CSMD1: variants seen among roughly 807,000 people sequenced by gnomAD.
The protein encoded by CSMD1 is CUB and sushi domain-containing protein 1.
A neutral mutation model predicts 417.5 loss-of-function variants in CSMD1; 213 were observed. The ratio of observed to expected loss-of-function variants is 0.51; its 90% confidence interval spans 0.46 to 0.57. The LOEUF (loss-of-function observed/expected upper bound fraction) is 0.57. Ranked by LOEUF, CSMD1 falls within the 20% of genes least tolerant of loss-of-function variation. The pLI, the probability that CSMD1 is intolerant of heterozygous loss-of-function variation, is 0.00. For missense variants in CSMD1, 6,923 were observed against 4,529.7 expected (o/e 1.53, Z -15.17); for synonymous variants, 2,862 against 1,736.8 (o/e 1.65, Z -16.11).
At chr8:3,553,424 C>T (rs1447935232) in intron 10 of CSMD1, among the ~76,000 whole-genome samples, 1 of 152,148 alleles carries the variant, frequency 6.6e-6, no homozygotes, top group Non-Finnish European at 1.5e-5. Flanking sequence ...ATGATCTCAT[C>T]CTATGTCTAT....
chr8:3,961,685 T>A (rs1812334796), intron 5 of CSMD1, among the ~76,000 whole-genome samples: 1 of 152,100 alleles, frequency 6.6e-6, no homozygotes, highest in Non-Finnish European at 1.5e-5. Flanking sequence ...AAAGCAAACT[T>A]CAAAAAAGAA....
intron 4 of CSMD1, among the ~76,000 whole-genome samples, chr8:4,005,974 A>C (rs1816078935): frequency 6.6e-6 from 1 of 152,188 alleles, no homozygotes; most frequent in Non-Finnish European, 1.5e-5. Flanking sequence ...TACGAAAACT[A>C]ATTCTCTACT....
At chr8:4,738,463 G>C (rs748274986) in intron 1 of CSMD1, among the ~76,000 whole-genome samples, 26 of 152,060 alleles carry the variant, frequency 1.7e-4, no homozygotes, top group Non-Finnish European at 2.6e-4. Flanking sequence ...GATCTCATGA[G>C]AACAAACTTG....
chr8:3,100,823 G>C (rs1019698819), intron 46 of CSMD1, among the ~76,000 whole-genome samples: 1 of 152,144 alleles, frequency 6.6e-6, no homozygotes, highest in African/African-American at 2.4e-5. Flanking sequence ...GAGTAACTAA[G>C]ATTATTCTTA....
intron 7 of CSMD1, among the ~76,000 whole-genome samples, chr8:3,694,533 G>A (rs998721535): frequency 1.3e-5 from 2 of 151,996 alleles, no homozygotes; most frequent in African/African-American, 4.8e-5. Context: ...AGGAGGCCGG[G>A]TGAGATCCCC....
chr8:3,955,569 C>T (rs1365159784), intron 5 of CSMD1, among the ~76,000 whole-genome samples: 1 of 152,096 alleles, frequency 6.6e-6, no homozygotes, highest in Non-Finnish European at 1.5e-5. Flanking sequence ...TTTACATATT[C>T]CATAGGAGAT....
At chr8:4,259,851 C>G (rs1417177494) in intron 3 of CSMD1, among the ~76,000 whole-genome samples, 1 of 152,132 alleles carries the variant, frequency 6.6e-6, no homozygotes, top group African/African-American at 2.4e-5. Context: ...GGAATTCATC[C>G]ACCTTAAAAT....
At chr8:4,985,004 G>A (rs528506478) in intron 1 of CSMD1, among the ~76,000 whole-genome samples, 1 of 152,270 alleles carries the variant, frequency 6.6e-6, no homozygotes, top group South Asian at 2.1e-4. Context: ...TTAAAAATGT[G>A]ATGTAGCCAT....
At chr8:3,715,156 CATTTA>C (rs1363529674) in intron 6 of CSMD1, among the ~76,000 whole-genome samples, 1 of 152,142 alleles carries the variant, frequency 6.6e-6, no homozygotes. Context: ...TTTAAACACA[CATTTA>C]ATTATTTTTT....
chr8:4,403,349 T>G (rs559209838), intron 3 of CSMD1, among the ~76,000 whole-genome samples: 1 of 152,160 alleles, frequency 6.6e-6, no homozygotes, highest in African/African-American at 2.4e-5. Flanking sequence ...ACAAAACTCC[T>G]TATAAGGAAG....
chr8:4,588,387 CTATCTCATAAAGACAGAG>C (rs1799811324), intron 2 of CSMD1, among the ~76,000 whole-genome samples: 1 of 61,828 alleles, frequency 1.6e-5, no homozygotes, highest in African/African-American at 5.5e-5. Context: ...AGATAAAGAA[CTATCTCATAAAGACAGAG>C]ATAAAGAACT....
intron 54 of CSMD1, among the ~76,000 whole-genome samples, chr8:2,990,371 A>G (rs1442830007): frequency 6.6e-6 from 1 of 152,208 alleles, no homozygotes; most frequent in African/African-American, 2.4e-5. Context: ...TTTCATGTAT[A>G]GCAAAGCCTC....
intron 1 of CSMD1, among the ~76,000 whole-genome samples, chr8:4,923,897 A>C (rs1261059384): frequency 6.6e-6 from 1 of 152,238 alleles, no homozygotes; most frequent in Non-Finnish European, 1.5e-5. Flanking sequence ...TTATCTGTAT[A>C]GGTTTCTTTG....
At chr8:4,421,381 C>G (rs949512611) in intron 2 of CSMD1, among the ~76,000 whole-genome samples, 5 of 152,122 alleles carry the variant, frequency 3.3e-5, no homozygotes, top group African/African-American at 9.7e-5. Context: ...ACAGAGTACA[C>G]ATTTCTTTCA....
At position 3,065,034 on chromosome 8, in the gene CSMD1, G is replaced by A. The variant is rs191795182; in HGVS notation, c.7475-12387C>T. Among the ~76,000 whole-genome samples, 6 of 152,212 alleles carry A rather than the reference G, an allele frequency of 3.9e-5. No individual in the cohort carries two copies. In the East Asian group the frequency reaches 7.7e-4, roughly 20 times the overall value. The stretch of plus-strand genomic sequence containing the variant: ...CATGCTTCCTTCTCCAGTGGGTCAG[G>A]CTAACTTTTTACTTAATGGAAAAAG... On this transcript the variant is annotated intron_variant, in intron 49 of 69. Transcript: ENST00000635120.
intron 15 of CSMD1, among the ~76,000 whole-genome samples, chr8:3,401,812 G>T (rs954838644): frequency 6.6e-6 from 1 of 152,054 alleles, no homozygotes. Context: ...TAATCTACAA[G>T]ATTCAAGAAA....
chr8:4,194,372 C>T (rs760444495), intron 3 of CSMD1, among the ~76,000 whole-genome samples: 2 of 152,124 alleles, frequency 1.3e-5, no homozygotes, highest in Admixed American at 1.3e-4. Flanking sequence ...GTTGATATTG[C>T]TCACATTGGC....
intron 50 of CSMD1, among the ~76,000 whole-genome samples, chr8:3,041,732 A>G (rs1438605459): frequency 6.6e-6 from 1 of 152,210 alleles, no homozygotes; most frequent in African/African-American, 2.4e-5. Flanking sequence ...ATCCACTGCT[A>G]TTTTATAAAC....
At position 4,101,273 on chromosome 8, in the gene CSMD1, G is replaced by C. The variant is rs78220701; in HGVS notation, c.416-69174C>G. Among the ~76,000 whole-genome samples the C allele has an allele frequency of 1.0e-3, 158 of 152,218 alleles. 2 individuals carry two copies. In the East Asian group the frequency reaches 0.027, roughly 26 times the overall value. On this transcript the variant is annotated intron_variant, in intron 3 of 69. Coordinates refer to ENST00000635120, the MANE Select transcript of CSMD1 (RefSeq NM_033225.6). ...GAGGTTAACTCATTGCAACACTTTGGTGTTCTTCCAAACTCCCATGTTAAA... is the reference window on the plus strand; with the variant it reads ...GAGGTTAACTCATTGCAACACTTTGCTGTTCTTCCAAACTCCCATGTTAAA...
Sources: allele counts gnomAD v4.1 joint callset (sites outside exome capture counted in the v4.1 genomes callset), GRCh38; gene constraint gnomAD v4.1.1; transcripts MANE v1.5; gene names NCBI Gene and HGNC (gene_info 2026-07-23, HGNC 2026-07-21).